The following ARHGAP39 variants were observed in gnomAD, a reference collection of about 807,000 sequenced individuals.
ARHGAP39 encodes the protein Rho GTPase activating protein 39.
ARHGAP39 carries 44 observed loss-of-function variants against 106.9 expected under a neutral mutation model. The ratio of observed to expected loss-of-function variants is 0.41; its 90% CI spans 0.32 to 0.53. ARHGAP39 has a LOEUF of 0.53. Among genes scored for constraint, ARHGAP39 ranks in the 20% least tolerant of loss-of-function variants. ARHGAP39 has a pLI of 0.21. For missense variants in ARHGAP39, 1,496 were observed against 1,577.3 expected, an observed-to-expected ratio of 0.95 and a Z score of 0.87; for synonymous variants, 768 against 693.2, an observed-to-expected ratio of 1.11 and a Z score of -1.69.
intron 1 of ARHGAP39, among the ~76,000 whole-genome samples, chr8:144,621,736 T>C (rs1197947192): frequency 6.6e-6 from 1 of 152,162 alleles, no homozygotes; most frequent in African/African-American, 2.4e-5. Flanking sequence ...GAGGATGGCT[T>C]GAGGCCCTGA....
chr8:144,649,721 A>C (rs577183180), intron 1 of ARHGAP39, among the ~76,000 whole-genome samples: 1 of 152,086 alleles, frequency 6.6e-6, no homozygotes, highest in Admixed American at 6.5e-5. Context: ...TTGGGTGACA[A>C]AATGAGACCA....
chr8:144,668,841 A>G (rs1241811801), intron 1 of ARHGAP39, among the ~76,000 whole-genome samples: 2 of 152,202 alleles, frequency 1.3e-5, no homozygotes, highest in African/African-American at 2.4e-5. Context: ...TCATATGGAA[A>G]TTCAAGGGAT....
At chr8:144,688,050 A>G (rs1359405358), upstream of ARHGAP39, among the ~76,000 whole-genome samples, 3 of 151,954 alleles carry the variant, frequency 2.0e-5, no homozygotes, top group African/African-American at 7.3e-5. Flanking sequence ...CACCCTGGTG[A>G]CCACACACTT....
chr8:144,624,075 C>A (rs974170386), intron 1 of ARHGAP39, among the ~76,000 whole-genome samples: 1 of 152,198 alleles, frequency 6.6e-6, no homozygotes, highest in Non-Finnish European at 1.5e-5. Context: ...TCAGAAAGAG[C>A]CCAGACCTCA....
chr8:144,602,147 ACCTGTG>A (rs1424169855), intron 2 of ARHGAP39, among the ~76,000 whole-genome samples: 1 of 103,522 alleles, frequency 9.7e-6, no homozygotes. Flanking sequence ...GAGCTCATGT[ACCTGTG>A]TGTGTGTGCG....
At chr8:144,589,565 A>C (rs148925552) in intron 2 of ARHGAP39, among the ~76,000 whole-genome samples, 3,032 of 152,358 alleles carry the variant, frequency 0.02, 74 homozygotes, top group Admixed American at 0.064. Flanking sequence ...TCCAGCTCCC[A>C]AACGAGGCCC....
Position 144,530,359 on chromosome 8 carries a change from C to T in ARHGAP39, c.*63G>A, listed in dbSNP as rs535471095. 10 of 1,496,256 alleles carry T rather than the reference C, an allele frequency of 6.7e-6. No homozygotes were observed. The highest frequency in any genetic ancestry group is 2.1e-4 in the Middle Eastern group (1 of 4,786). 92.7% of individuals were successfully genotyped at this position (1,496,256 alleles called of 1,614,324 possible). On this transcript the variant is annotated 3_prime_UTR_variant, in exon 12 of 12. Coordinates refer to ENST00000377307, the MANE Select transcript of ARHGAP39 (RefSeq NM_025251.3). Reference sequence around the variant, plus strand: ...GATTCTGGCCCCTCTGCCGGGAGAGCGAGTGCGGAGTTCGGCCTGGCTGGG... The same window carrying T: ...GATTCTGGCCCCTCTGCCGGGAGAGTGAGTGCGGAGTTCGGCCTGGCTGGG...
intron 3 of ARHGAP39, among the ~76,000 whole-genome samples, chr8:144,575,592 G>A (rs531091520): frequency 7.2e-5 from 11 of 152,156 alleles, no homozygotes; most frequent in African/African-American, 2.2e-4. Flanking sequence ...AGCAACACAC[G>A]TGGAGCCATC....
chr8:144,695,986 C>G, the ARHGAP39 span, among the ~76,000 whole-genome samples: 1 of 152,068 alleles, frequency 6.6e-6, no homozygotes, highest in African/African-American at 2.4e-5. Flanking sequence ...AAGGGAGAGT[C>G]AATTCAGGTG....
At chr8:144,583,356 T>C (rs1819069815) in intron 2 of ARHGAP39, among the ~76,000 whole-genome samples, 1 of 152,228 alleles carries the variant, frequency 6.6e-6, no homozygotes, top group Non-Finnish European at 1.5e-5. Flanking sequence ...GCGTGTCACC[T>C]CCCTGAAACC....
chr8:144,622,266 G>A (rs1376083233), intron 1 of ARHGAP39, among the ~76,000 whole-genome samples: 1 of 152,066 alleles, frequency 6.6e-6, no homozygotes, highest in Non-Finnish European at 1.5e-5. Context: ...CAAGGCTGAG[G>A]TGAGCTGCCT....
At chr8:144,700,033 C>A in the ARHGAP39 span, among the ~76,000 whole-genome samples, 1 of 152,176 alleles carries the variant, frequency 6.6e-6, no homozygotes, top group Admixed American at 6.5e-5. This position sits in a 1 kb window ranked among gnomAD's most constrained non-coding sequence, Gnocchi z 5.6. Flanking sequence ...AGTCGGCGAC[C>A]CGGCCATTTC....
At position 144,615,330 on chromosome 8, in the gene ARHGAP39, GA is replaced by G. The variant is rs959720031; in HGVS notation, c.-81-9636del. 5.0e-3 allele frequency among the ~76,000 whole-genome samples: 721 copies of G among 143,390 alleles called. 11 individuals are homozygous for G. The East Asian group carries it at 0.059, about 12-fold the overall frequency. 94.1% of individuals were successfully genotyped at this position (143,390 alleles called of 152,430 possible). Reference sequence around the variant, plus strand: ...GTGAGACCCCCTTCTCTAAAAATTAGAAAAAAAAAAACAAGTCTGTATCTTA... The same window carrying G: ...GTGAGACCCCCTTCTCTAAAAATTAGAAAAAAAAAACAAGTCTGTATCTTA... On this transcript the variant is annotated intron_variant, in intron 1 of 11. Coordinates refer to ENST00000377307, the MANE Select transcript of ARHGAP39 (RefSeq NM_025251.3).
chr8:144,611,241 A>C (rs1295159405), intron 1 of ARHGAP39, among the ~76,000 whole-genome samples: 2 of 152,202 alleles, frequency 1.3e-5, no homozygotes, highest in African/African-American at 4.8e-5. Flanking sequence ...AGAGAACATA[A>C]TTTATATGAT....
In ARHGAP39 at chr8:144,547,946, C is replaced by T. The variant is rs145989173; in HGVS notation, c.1140G>A (p.Glu380=). The change falls in exon 5 of 12, where the codon GAG becomes GAA. Residue 380 remains glutamate (E), a synonymous_variant. Coordinates refer to ENST00000377307, the MANE Select transcript of ARHGAP39 (RefSeq NM_025251.3). This position sits in a 1 kb window ranked among gnomAD's most constrained non-coding sequence, Gnocchi z 5.2. ...QLVLTKQKCP[E]RFLSLEYSPA... Reference sequence around the variant, plus strand: ...GACTGTACTCCAGGCTCAGGAAGCGCTCGGGACACTTCTGCTTGGTGAGCA... The same window carrying T: ...GACTGTACTCCAGGCTCAGGAAGCGTTCGGGACACTTCTGCTTGGTGAGCA... 2.3e-5 allele frequency: 37 copies of T among 1,598,246 alleles called. No individual in the cohort carries two copies. In the African/African-American group the frequency reaches 4.8e-4, roughly 21 times the overall value.
At chr8:144,581,852 G>A (rs1819005238) in intron 2 of ARHGAP39, among the ~76,000 whole-genome samples, 1 of 152,172 alleles carries the variant, frequency 6.6e-6, no homozygotes, top group Admixed American at 6.5e-5. Context: ...CCCCCGCTGG[G>A]GGCACAGCCT....
chr8:144,618,960 G>A (rs879259474), intron 1 of ARHGAP39, among the ~76,000 whole-genome samples: 1 of 152,196 alleles, frequency 6.6e-6, no homozygotes, highest in Non-Finnish European at 1.5e-5. Flanking sequence ...CCTCATCCTC[G>A]TCCTGCAGAC....
intron 1 of ARHGAP39, among the ~76,000 whole-genome samples, chr8:144,622,097 A>G (rs1180698273): frequency 6.6e-6 from 1 of 152,236 alleles, no homozygotes; most frequent in Non-Finnish European, 1.5e-5. Flanking sequence ...GGACAGACAC[A>G]GAAAACACAC....
intron 3 of ARHGAP39, among the ~76,000 whole-genome samples, chr8:144,556,302 AAAAG>A (rs1484238429): frequency 6.6e-6 from 1 of 151,790 alleles, no homozygotes; most frequent in Non-Finnish European, 1.5e-5. Context: ...AAAAAAAAAA[AAAAG>A]AAATACCCTT....
Sources: allele counts gnomAD v4.1 joint callset (sites outside exome capture counted in the v4.1 genomes callset), GRCh38; gene constraint gnomAD v4.1.1; non-coding constraint Gnocchi (gnomAD v3.1); transcripts MANE v1.5; gene names NCBI Gene and HGNC (gene_info 2026-07-23, HGNC 2026-07-21).